Variants in RADIL observed in about 807,000 individuals in gnomAD.
RADIL encodes ras-associating and dilute domain-containing protein.
A neutral mutation model predicts 97.6 loss-of-function variants in RADIL; 99 were observed. The observed-to-expected ratio is 1.01, with a 90% CI of 0.86 to 1.20. RADIL has a LOEUF of 1.20. RADIL is among the 50% of genes most tolerant of loss of function. The pLI is 0.00. For synonymous variants in RADIL, 803 were observed against 691.8 expected, an observed-to-expected ratio of 1.16 and a Z score of -2.52; for missense variants, 1,765 against 1,498.9, an observed-to-expected ratio of 1.18 and a Z score of -2.93.
intron 9 of RADIL, among the ~76,000 whole-genome samples, chr7:4,807,912 GTCCCTCCCTCTCTCCACTTCCTCC>G (rs1782385234): frequency 3.5e-5 from 1 of 28,870 alleles, no homozygotes; most frequent in Non-Finnish European, 6.0e-5. Flanking sequence ...TCTTCTCCCT[GTCCCTCCCTCTCTCCACTTCCTCC>G]TCCCTCTCCT....
chr7:4,881,983 C>G (rs553972171), intron 1 of RADIL: 1 of 151,578 alleles, frequency 6.6e-6, no homozygotes, highest in African/African-American at 2.4e-5. Flanking sequence ...TTTCCGGAGC[C>G]GGATTCGAAG....
At chr7:4,832,582 T>C (rs1306807253) in intron 4 of RADIL, among the ~76,000 whole-genome samples, 1 of 151,696 alleles carries the variant, frequency 6.6e-6, no homozygotes, top group African/African-American at 2.4e-5. Context: ...CTACTAAAAA[T>C]ACAAAAATTA....
In RADIL at chr7:4,813,886, C is replaced by A. The variant is rs1467522238; in HGVS notation, c.2139+1392G>T. On this transcript the variant is annotated intron_variant, in intron 9 of 14. Coordinates refer to ENST00000399583, the MANE Select transcript of RADIL (RefSeq NM_018059.5). The surrounding 1 kb of genome is among the most constrained non-coding windows in gnomAD (Gnocchi z 5.0). ...CGGTGTCCAGAGGTACCTGGTGCCA[C>A]CAATTCCTGAGCCTCTTGGTGGCTT... is the stretch of plus-strand genomic sequence containing the variant. 6.6e-6 allele frequency among the ~76,000 whole-genome samples: 1 copy of A among 152,160 alleles called. No homozygotes were observed. The highest frequency in any genetic ancestry group is 1.5e-5 in the Non-Finnish European group (1 of 68,038).
Position 4,797,409 on chromosome 7 carries a change from G to A in RADIL, c.*1969C>T, listed in dbSNP as rs908091170. On this transcript the variant is annotated 3_prime_UTR_variant, in exon 15 of 15. Coordinates refer to ENST00000399583, the MANE Select transcript of RADIL (RefSeq NM_018059.5). ...CCTGTTGTTCGGAGCAAGTCAGAAG[G>A]CCGGAGAATATTGCAGGGAAGAAGA... The A allele has an allele frequency of 5.9e-5, 9 of 152,236 alleles. No individual in the cohort carries two copies. Among genetic ancestry groups the A allele is most frequent in the African/African-American group, 1.4e-4 (6 of 41,450 alleles). The allele number at this position is 152,236 out of a possible 1,614,324, so 9.4% of individuals were successfully genotyped here.
chr7:4,871,591 G>A (rs868503234), intron 2 of RADIL, among the ~76,000 whole-genome samples: 5 of 152,200 alleles, frequency 3.3e-5, no homozygotes, highest in Admixed American at 6.5e-5. Context: ...AGCCCACCAC[G>A]CCGCCAGGTG....
In RADIL at chr7:4,859,182, C is replaced by T. The variant is rs146199891; in HGVS notation, c.535+18423G>A. ...TTCTCTGAAGTACAGTACACCGCTGCACAATGGTATCCAATTTTAAGATTA... is the reference window on the plus strand; with the variant it reads ...TTCTCTGAAGTACAGTACACCGCTGTACAATGGTATCCAATTTTAAGATTA... On this transcript the variant is annotated intron_variant, in intron 2 of 14. Transcript: ENST00000399583. The T allele has an allele frequency of 5.6e-3, 859 of 152,604 alleles. 3 individuals are homozygous for T. The highest frequency in any genetic ancestry group is 0.014 in the Middle Eastern group (4 of 294). 9.5% of individuals were successfully genotyped at this position (152,604 alleles called of 1,614,324 possible).
intron 2 of RADIL, among the ~76,000 whole-genome samples, chr7:4,855,336 T>C (rs905518550): frequency 3.3e-5 from 5 of 151,994 alleles, no homozygotes; most frequent in Admixed American, 2.6e-4. Context: ...AGAAGGTGTG[T>C]AGAGTTCTGG....
In RADIL at chr7:4,798,048, C is replaced by T. The variant is rs567199062; in HGVS notation, c.*1330G>A. 19 of 147,152 alleles carry T rather than the reference C, an allele frequency of 1.3e-4. No homozygotes were observed. Among genetic ancestry groups the T allele is most frequent in the Admixed American group, 9.5e-4 (14 of 14,784 alleles). The allele number at this position is 147,152 out of a possible 1,614,324, so 9.1% of individuals were successfully genotyped here. On this transcript the variant is annotated 3_prime_UTR_variant, in exon 15 of 15. Coordinates refer to ENST00000399583, the MANE Select transcript of RADIL (RefSeq NM_018059.5). ...GTTTATAAAATATACGAATATATTA[C>T]GTATACATGAATATGTAATATATTC...
intron 1 of RADIL, chr7:4,881,984 G>C (rs114103030): frequency 2.0e-5 from 3 of 149,084 alleles, no homozygotes; most frequent in African/African-American, 7.5e-5. Context: ...TTCCGGAGCC[G>C]GATTCGAAGG....
At chr7:4,833,935 G>C (rs1783218594) in intron 4 of RADIL, among the ~76,000 whole-genome samples, 2 of 152,188 alleles carry the variant, frequency 1.3e-5, no homozygotes, top group African/African-American at 4.8e-5. Flanking sequence ...GTGTGTGGCG[G>C]GGCGGCAGAG....
At chr7:4,809,497 C>T in intron 9 of RADIL, 1 of 985,372 alleles carries the variant, frequency 1.0e-6, no homozygotes, top group African/African-American at 1.7e-5. Context: ...GTGTCCAGCC[C>T]CCAAAACAAG....
intron 5 of RADIL, among the ~76,000 whole-genome samples, chr7:4,828,012 A>C (rs1228952005): frequency 6.6e-6 from 1 of 152,240 alleles, no homozygotes; most frequent in Non-Finnish European, 1.5e-5. Flanking sequence ...GGGAGATGCC[A>C]ATCAAAACCA....
Position 4,814,496 on chromosome 7 carries a change from G to T in RADIL, c.2139+782C>A, listed in dbSNP as rs975082536. 1.3e-5 allele frequency among the ~76,000 whole-genome samples: 2 copies of T among 151,738 alleles called. No individual in the cohort carries two copies. Among genetic ancestry groups the T allele is most frequent in the African/African-American group, 4.8e-5 (2 of 41,288 alleles). The stretch of plus-strand genomic sequence containing the variant: ...TTTCCAGGCAGGAGAGGAAACCATC[G>T]GTCTATTTCCATTAATTACCTGTGA... On this transcript the variant is annotated intron_variant, in intron 9 of 14. Transcript: ENST00000399583. The surrounding 1 kb of genome is among the most constrained non-coding windows in gnomAD (Gnocchi z 4.5).
intron 9 of RADIL, chr7:4,811,377 T>C (rs1782539928): frequency 6.6e-6 from 1 of 152,214 alleles, no homozygotes; most frequent in Non-Finnish European, 1.5e-5. Flanking sequence ...TTACAGCCCC[T>C]TTTCGAGTTT....
At chr7:4,838,452 G>C (rs140605271) in intron 2 of RADIL, among the ~76,000 whole-genome samples, 2,292 of 152,270 alleles carry the variant, frequency 0.015, 32 homozygotes, top group Middle Eastern at 0.027. Context: ...GGGGCTCCCA[G>C]AGGACCTGGC....
intron 13 of RADIL, 97 bp from the exon 14 acceptor site, chr7:4,799,866 C>A: frequency 2.1e-6 from 3 of 1,423,954 alleles, no homozygotes; most frequent in Non-Finnish European, 2.8e-6. Context: ...CAGGCCCCCG[C>A]CTGGCATCCA....
intron 5 of RADIL, 126 bp downstream of exon 5, chr7:4,832,015 G>T: frequency 1.0e-6 from 1 of 984,120 alleles, no homozygotes; most frequent in Non-Finnish European, 1.5e-6. Flanking sequence ...CTGCTTGGAT[G>T]GAAGGACAAA....
intron 10 of RADIL, among the ~76,000 whole-genome samples, chr7:4,805,055 C>T (rs894705103): frequency 1.3e-5 from 2 of 152,162 alleles, no homozygotes; most frequent in Non-Finnish European, 2.9e-5. Flanking sequence ...GATTGCACCA[C>T]TGCACTCCAG....
chr7:4,802,204 C>T (rs774163013), intron 11 of RADIL, among the ~76,000 whole-genome samples: 3 of 152,216 alleles, frequency 2.0e-5, no homozygotes, highest in East Asian at 1.9e-4. Flanking sequence ...CCAGGACTCC[C>T]GGGGTTCCCA....
Sources: gnomAD v4.1 joint callset for allele counts (sites outside exome capture counted in the v4.1 genomes callset) on GRCh38, gnomAD v4.1.1 for gene constraint, Gnocchi (gnomAD v3.1) non-coding constraint, MANE v1.5 for transcripts, NCBI Gene and HGNC (gene_info 2026-07-23, HGNC 2026-07-21) for gene names.